TEAD1: variants seen among roughly 807,000 people sequenced by gnomAD.
TEAD1 encodes transcriptional enhancer factor TEF-1.
TEAD1 carries 9 observed loss-of-function variants against 54.9 expected under a neutral mutation model. The ratio of observed to expected loss-of-function variants is 0.16; its 90% CI spans 0.10 to 0.29. The LOEUF is 0.29. Ranked by LOEUF, TEAD1 falls within the 10% of genes least tolerant of loss-of-function variation. TEAD1 has a pLI of 1.00. For synonymous variants in TEAD1, 200 were observed against 187.8 expected (o/e 1.07, Z -0.53); for missense variants, 387 against 535.9 (o/e 0.72, Z 2.74).
chr11:12,803,100 G>GTATTTTTTTTTA, intron 3 of TEAD1, among the ~76,000 whole-genome samples: 1 of 138,966 alleles, frequency 7.2e-6, no homozygotes, highest in African/African-American at 2.5e-5. Context: ...ATTTTCACCT[G>GTATTTTTTTTTA]TATTTTTTTT....
chr11:12,698,511 G>A (rs1943633712), intron 2 of TEAD1, among the ~76,000 whole-genome samples: 2 of 151,480 alleles, frequency 1.3e-5, no homozygotes, highest in Admixed American at 6.6e-5. Flanking sequence ...ACTTAAAGAG[G>A]GTTTTTTTTT....
chr11:12,939,330 C>T lies in TEAD1; in HGVS notation c.*2108C>T, dbSNP rs1210625410. 1 of 152,298 alleles carries T rather than the reference C, an allele frequency of 6.6e-6. No individual in the cohort carries two copies. The highest frequency in any genetic ancestry group is 1.5e-5 in the Non-Finnish European group (1 of 68,118). 9.4% of individuals were successfully genotyped at this position (152,298 alleles called of 1,614,324 possible). ...AGGGATGTTTCTTTTGCTCTTATTT[C>T]CTGCATCTTTCCTTAAGGGAAGCCC... On this transcript the variant is annotated 3_prime_UTR_variant, in exon 13 of 13. Coordinates refer to ENST00000527636, the MANE Select transcript of TEAD1 (RefSeq NM_021961.6).
intron 2 of TEAD1, among the ~76,000 whole-genome samples, chr11:12,676,700 A>C (rs1943100727): frequency 6.6e-6 from 1 of 152,216 alleles, no homozygotes; most frequent in African/African-American, 2.4e-5. Flanking sequence ...TGAATTGTTG[A>C]ATTTTTGGGG....
intron 2 of TEAD1, among the ~76,000 whole-genome samples, chr11:12,755,022 G>A (rs948564706): frequency 6.6e-6 from 1 of 152,306 alleles, no homozygotes; most frequent in Non-Finnish European, 1.5e-5. Context: ...CAAGGGGGCC[G>A]CATCTGGGCA....
chr11:12,713,793 C>T (rs1943994216), intron 2 of TEAD1, among the ~76,000 whole-genome samples: 1 of 152,218 alleles, frequency 6.6e-6, no homozygotes, highest in Non-Finnish European at 1.5e-5. Flanking sequence ...CTCCGCCGTC[C>T]TTTGCGTGTC....
intron 9 of TEAD1, among the ~76,000 whole-genome samples, chr11:12,898,421 G>A (rs928167595): frequency 2.0e-5 from 3 of 149,498 alleles, no homozygotes; most frequent in Non-Finnish European, 4.4e-5. Context: ...TTGAGACGGA[G>A]TATCTCTCTG....
intron 3 of TEAD1, among the ~76,000 whole-genome samples, chr11:12,819,614 A>G (rs2134000529): frequency 6.6e-6 from 1 of 151,582 alleles, no homozygotes; most frequent in Non-Finnish European, 1.5e-5. Context: ...AAGCCCGGCT[A>G]ATTTTTTTTT....
chr11:12,870,111 C>G (rs1947711647), intron 5 of TEAD1, among the ~76,000 whole-genome samples: 1 of 152,052 alleles, frequency 6.6e-6, no homozygotes, highest in African/African-American at 2.4e-5. Flanking sequence ...AACTCCTGAC[C>G]TCAAGTGATG....
intron 2 of TEAD1, among the ~76,000 whole-genome samples, chr11:12,755,923 CA>C (rs1944975234): frequency 6.6e-6 from 1 of 152,166 alleles, no homozygotes; most frequent in Non-Finnish European, 1.5e-5. Flanking sequence ...TTTCTGTTCT[CA>C]ATGGCTAACA....
chr11:12,721,870 G>GT (rs1390350991), intron 2 of TEAD1, among the ~76,000 whole-genome samples: 2 of 152,206 alleles, frequency 1.3e-5, no homozygotes, highest in African/African-American at 4.8e-5. Flanking sequence ...GACAGTGGAC[G>GT]TATGAGTTTG....
chr11:12,759,298 A>G (rs1439417868), intron 2 of TEAD1, among the ~76,000 whole-genome samples: 1 of 151,136 alleles, frequency 6.6e-6, no homozygotes, highest in East Asian at 1.9e-4. Flanking sequence ...CCAGGCTTTT[A>G]TAATAAAATG....
rs749872947 is a variant in TEAD1 at position 12,865,121 on chromosome 11, G to A, written c.330+221G>A. ...TGTGTGTGTTTGCGTGTGTGTGTGC[G>A]TGTGTATGTGTGTGTTCCTAATAAC... On this transcript the variant is annotated intron_variant, in intron 5 of 12. Coordinates refer to ENST00000527636, the MANE Select transcript of TEAD1 (RefSeq NM_021961.6). 241 of 602,384 alleles carry A rather than the reference G, an allele frequency of 4.0e-4. 1 individual carries two copies. Among genetic ancestry groups the A allele is most frequent in the East Asian group, 1.5e-4 (5 of 33,980 alleles). The allele number at this position is 602,384 out of a possible 1,614,324, so 37.3% of individuals were successfully genotyped here.
intron 3 of TEAD1, among the ~76,000 whole-genome samples, chr11:12,841,956 A>G (rs1167562011): frequency 2.0e-5 from 3 of 152,186 alleles, no homozygotes; most frequent in East Asian, 1.9e-4. Flanking sequence ...GACCTCTCCT[A>G]TAAACCTCAA....
rs11819938 is a variant in TEAD1, at chr11:12,677,719, T to G, written c.-55+2158T>G. ...AGAAAAGTATATAATACGAACAGTT[T>G]AAAGCATGTAGATCCCAAATATTAA... On this transcript the variant is annotated intron_variant, in intron 2 of 12. Transcript: ENST00000527636. Among the ~76,000 whole-genome samples, 271 of 152,356 alleles carry G rather than the reference T, an allele frequency of 1.8e-3. 1 individual carries two copies. Among genetic ancestry groups the G allele is most frequent in the African/African-American group, 6.4e-3 (266 of 41,586 alleles).
intron 6 of TEAD1, among the ~76,000 whole-genome samples, chr11:12,880,255 T>C (rs896711425): frequency 4.6e-5 from 7 of 152,168 alleles, no homozygotes; most frequent in Admixed American, 3.3e-4. Flanking sequence ...GGACAAGGTA[T>C]TCTATTAACA....
chr11:12,747,483 C>T (rs1398174946), intron 2 of TEAD1, among the ~76,000 whole-genome samples: 6 of 152,068 alleles, frequency 3.9e-5, no homozygotes, highest in African/African-American at 1.2e-4. Flanking sequence ...TATAGGCACC[C>T]GCCACCACAC....
At chr11:12,871,730 C>T (rs971456132) in intron 5 of TEAD1, among the ~76,000 whole-genome samples, 1 of 152,212 alleles carries the variant, frequency 6.6e-6, no homozygotes, top group Non-Finnish European at 1.5e-5. Context: ...TGGGCCAAGC[C>T]ACCTCTGGTT....
intron 2 of TEAD1, among the ~76,000 whole-genome samples, chr11:12,726,502 A>T (rs1190504449): frequency 1.3e-5 from 2 of 152,158 alleles, no homozygotes; most frequent in African/African-American, 4.8e-5. Context: ...CTGGGTTGGG[A>T]TGTGTCATAA....
At chr11:12,882,094 G>A (rs898989631) in intron 8 of TEAD1, 137 bp downstream of exon 8, 1 of 917,252 alleles carries the variant, frequency 1.1e-6, no homozygotes. Context: ...AGGATCCTTG[G>A]GTAGCCTGTA....
Sources: allele counts gnomAD v4.1 joint callset (sites outside exome capture counted in the v4.1 genomes callset), GRCh38; gene constraint gnomAD v4.1.1; transcripts MANE v1.5; gene names NCBI Gene and HGNC (gene_info 2026-07-23, HGNC 2026-07-21).